TOMM70: variants seen among roughly 807,000 people sequenced by gnomAD.
The protein encoded by TOMM70 is mitochondrial import receptor subunit TOM70.
Under a neutral mutation model 73.6 loss-of-function variants are expected in TOMM70, and 13 were observed. The ratio of observed to expected loss-of-function variants is 0.18; its 90% CI spans 0.11 to 0.28. The LOEUF (loss-of-function observed/expected upper bound fraction) is 0.28, where lower values mean the gene tolerates loss of function less well. TOMM70 is among the 10% of genes least tolerant of loss of function. The pLI is 1.00. For missense variants in TOMM70, 609 were observed against 747.5 expected (o/e 0.81, Z 2.16); for synonymous variants, 257 against 271.2 (o/e 0.95, Z 0.51).
At chr3:100,383,270 C>A (rs1706654741) in intron 4 of TOMM70, among the ~76,000 whole-genome samples, 1 of 152,016 alleles carries the variant, frequency 6.6e-6, no homozygotes, top group Non-Finnish European at 1.5e-5. Context: ...GCCTGTAATT[C>A]TAGCACTTTG....
Position 100,400,806 on chromosome 3 carries a change from G to C in TOMM70, c.144C>G (p.Pro48=). 2.0e-6 allele frequency: 3 copies of C among 1,533,908 alleles called. No homozygotes were observed. Among genetic ancestry groups the C allele is most frequent in the Non-Finnish European group, 2.6e-6 (3 of 1,148,206 alleles). Residue 48 remains proline, a synonymous_variant, in exon 1 of 12, where the codon CCC becomes CCG. Coordinates refer to ENST00000284320, the MANE Select transcript of TOMM70 (RefSeq NM_014820.5). The part of the protein sequence containing the change: ...RWQLALAVGA[P]LLLGAGAIYL... ...ATATGGCACCCGCGCCCAGCAGCAGGGGTGCCCCGACCGCCAGAGCCAGCT... is the reference window on the plus strand; with the variant it reads ...ATATGGCACCCGCGCCCAGCAGCAGCGGTGCCCCGACCGCCAGAGCCAGCT...
At position 100,400,858 on chromosome 3, in the gene TOMM70, G is replaced by A. The variant is rs1340457969; in HGVS notation, c.92C>T (p.Pro31Leu). The change falls in exon 1 of 12, where the codon CCG becomes CTG. Residue 31 changes from proline (P) to leucine (L), a missense_variant. Transcript: ENST00000284320. ...SGVGGGGTAG[P>L]GTGGLPRWQL... ...CCATCGCGGCAGCCCCCCCGTGCCC[G>A]GGCCCGCAGTCCCGCCGCCGCCCAC... 6 of 1,524,548 alleles carry A rather than the reference G, an allele frequency of 3.9e-6. No homozygotes were observed. The Admixed American group carries it at 8.0e-5, about 20-fold the overall frequency. 94.4% of individuals were successfully genotyped at this position (1,524,548 alleles called of 1,614,324 possible).
At chr3:100,399,099 C>A (rs1026265055) in intron 1 of TOMM70, among the ~76,000 whole-genome samples, 2 of 151,954 alleles carry the variant, frequency 1.3e-5, no homozygotes, top group Non-Finnish European at 2.9e-5. Flanking sequence ...CTGGCCAACA[C>A]AGTGAAACCC....
rs533483352 is a variant in TOMM70, at chr3:100,394,665, G to A, written c.324+5961C>T. Among the ~76,000 whole-genome samples the A allele has an allele frequency of 7.9e-4, 120 of 152,016 alleles. 1 individual carries two copies. Among genetic ancestry groups the A allele is most frequent in the East Asian group, 1.4e-3 (7 of 5,158 alleles). On this transcript the variant is annotated intron_variant, in intron 1 of 11. Coordinates refer to ENST00000284320, the MANE Select transcript of TOMM70 (RefSeq NM_014820.5). ...ATTACAGAAACCCACCATCATGCCCGGCTAATTTTTGTATTTTTGTAGAGA... is the reference window on the plus strand; with the variant it reads ...ATTACAGAAACCCACCATCATGCCCAGCTAATTTTTGTATTTTTGTAGAGA...
intron 1 of TOMM70, among the ~76,000 whole-genome samples, chr3:100,388,483 A>C (rs1239394520): frequency 2.6e-5 from 4 of 152,186 alleles, no homozygotes; most frequent in African/African-American, 9.7e-5. Context: ...TGGGATGCTG[A>C]GGCAGAACTG....
intron 1 of TOMM70, among the ~76,000 whole-genome samples, chr3:100,398,149 C>T (rs938822955): frequency 3.3e-5 from 5 of 151,780 alleles, no homozygotes; most frequent in East Asian, 1.9e-4. Context: ...TTTGGGAGGC[C>T]GAGGTGGGTG....
At chr3:100,377,379 G>C (rs1328303813) in intron 6 of TOMM70, 1 of 215,920 alleles carries the variant, frequency 4.6e-6, no homozygotes, top group Non-Finnish European at 9.4e-6. Flanking sequence ...ACACGTTACT[G>C]ACAGCATTAT....
intron 1 of TOMM70, 27 bp downstream of exon 1, chr3:100,400,599 C>T (rs371660742): frequency 1.2e-6 from 2 of 1,603,468 alleles, no homozygotes; most frequent in Non-Finnish European, 8.5e-7. Flanking sequence ...CCAGTTTCCT[C>T]CTCTACGGCC....
rs759306810 is a variant in TOMM70 at position 100,381,615 on chromosome 3, T to C, written c.884A>G (p.Asn295Ser). 1.2e-6 allele frequency: 2 copies of C among 1,612,638 alleles called. No individual in the cohort carries two copies. Among genetic ancestry groups the C allele is most frequent in the Admixed American group, 3.3e-5 (2 of 59,932 alleles). ...KEGEALEVKENSGYLKAKQYM... is the reference protein window; with the variant it reads ...KEGEALEVKESSGYLKAKQYM... ...TAGACACTATGCTTGACATACTTAC[T>C]TTTCTTTCACTTCTAAAGCCTCCCC... is the stretch of plus-strand genomic sequence containing the variant. The change falls in exon 5 of 12, where the codon AAT becomes AGT. Residue 295 changes from asparagine to serine, a missense_variant and splice_region_variant. By Grantham distance (46) the Asn-to-Ser change is conservative. Transcript: ENST00000284320.
At position 100,384,586 on chromosome 3, in the gene TOMM70, C is replaced by T; in HGVS notation, c.628G>A (p.Val210Ile). The T allele has an allele frequency of 6.5e-7, 1 of 1,549,362 alleles. No homozygotes were observed. Among genetic ancestry groups the T allele is most frequent in the Non-Finnish European group, 8.7e-7 (1 of 1,149,018 alleles). ...CCTTCTAATATACACACAGCAGTGA[C>T]ATCTAGAAATGATGAAAAACACAAG... ...LDNKKECLED[V>I]TAVCILEGFQ... Residue 210 changes from valine to isoleucine, a missense_variant and splice_region_variant, in exon 4 of 12, where the codon GTC becomes ATC. Physicochemically the swap from Val to Ile is conservative, Grantham distance 29 (BLOSUM62 3). Transcript: ENST00000284320.
At position 100,365,708 on chromosome 3, in the gene TOMM70, C is replaced by T; in HGVS notation, c.1683G>A (p.Met561Ile). The T allele has an allele frequency of 1.2e-6, 2 of 1,614,054 alleles. No homozygotes were observed. Among genetic ancestry groups the T allele is most frequent in the Non-Finnish European group, 1.7e-6 (2 of 1,179,948 alleles). Residue 561 changes from methionine (M) to isoleucine (I), a missense_variant, in exon 12 of 12, where the codon ATG becomes ATA. This residue lies in a region of TOMM70 where 432 missense variants were observed against 584.1 expected (regional missense o/e 0.74). Coordinates refer to ENST00000284320, the MANE Select transcript of TOMM70 (RefSeq NM_014820.5). The stretch of plus-strand genomic sequence containing the variant: ...TGTTGAACATGTCAATGGCTTTCTC[C>T]ATGTTTCCTCTAAAAGAACAAAATT... ...MGTIEVQRGN[M>I]EKAIDMFNKA...
intron 9 of TOMM70, among the ~76,000 whole-genome samples, chr3:100,370,450 A>G (rs1706496972): frequency 6.6e-6 from 1 of 152,208 alleles, no homozygotes; most frequent in Non-Finnish European, 1.5e-5. Flanking sequence ...ATTGTTTGTC[A>G]TAGTTAACAA....
At chr3:100,385,443 C>T (rs546195034) in intron 3 of TOMM70, among the ~76,000 whole-genome samples, 1 of 152,354 alleles carries the variant, frequency 6.6e-6, no homozygotes, top group Non-Finnish European at 1.5e-5. Context: ...TGGTAATCTA[C>T]ACTTTTCTTT....
intron 1 of TOMM70, among the ~76,000 whole-genome samples, chr3:100,398,459 C>A (rs1345266256): frequency 1.3e-5 from 2 of 150,364 alleles, no homozygotes; most frequent in African/African-American, 4.9e-5. Context: ...GAACTGAGAA[C>A]TTTTTGGATC....
chr3:100,399,317 G>A (rs1199152325), intron 1 of TOMM70, among the ~76,000 whole-genome samples: 1 of 151,874 alleles, frequency 6.6e-6, no homozygotes, highest in Non-Finnish European at 1.5e-5. Context: ...AGTATAATAT[G>A]GAAATGACTT....
intron 11 of TOMM70, 69 bp downstream of exon 11, chr3:100,367,975 C>CTAACATAACAGACTTTAACAT: frequency 6.8e-7 from 1 of 1,474,636 alleles, no homozygotes; most frequent in Non-Finnish European, 9.2e-7. Context: ...TTAACATGTA[C>CTAACATAACAGACTTTAACAT]GTAATAAGAA....
chr3:100,375,963 T>C (rs759059898), intron 6 of TOMM70, among the ~76,000 whole-genome samples: 28 of 152,220 alleles, frequency 1.8e-4, no homozygotes, highest in Non-Finnish European at 3.2e-4. Flanking sequence ...GGCTTCACCA[T>C]TGTATTAATA....
At chr3:100,366,460 G>C (rs1706448424) in intron 11 of TOMM70, among the ~76,000 whole-genome samples, 1 of 152,032 alleles carries the variant, frequency 6.6e-6, no homozygotes, top group African/African-American at 2.4e-5. Context: ...ATGTTAGTAA[G>C]GTACATTTTA....
chr3:100,370,264 A>G (rs1706494960), intron 9 of TOMM70, among the ~76,000 whole-genome samples: 2 of 152,140 alleles, frequency 1.3e-5, no homozygotes, highest in African/African-American at 4.8e-5. Context: ...TTTCTTTCAC[A>G]TGGTTGAGTT....
Sources: gnomAD v4.1 joint callset for allele counts (sites outside exome capture counted in the v4.1 genomes callset) on GRCh38, gnomAD v4.1.1 for gene constraint, gnomAD v4.1.1 regional missense constraint, MANE v1.5 for transcripts, NCBI Gene and HGNC (gene_info 2026-07-23, HGNC 2026-07-21) for gene names.